DHTKD1: variants seen among roughly 807,000 people sequenced by gnomAD.
DHTKD1 encodes dehydrogenase E1 and transketolase domain containing 1.
In DHTKD1, 78 loss-of-function variants were observed where a neutral mutation model predicts 101.8. That is an observed-to-expected ratio of 0.77 (90% CI 0.64 to 0.93). DHTKD1 has a LOEUF of 0.93. Among genes scored for constraint, DHTKD1 ranks in the 40% least tolerant of loss-of-function variants. The pLI, the probability that DHTKD1 is intolerant of heterozygous loss-of-function variation, is 0.00. For missense variants in DHTKD1, 1,223 were observed against 1,161.7 expected (o/e 1.05, Z -0.77); for synonymous variants, 462 against 450.3 (o/e 1.03, Z -0.33).
intron 10 of DHTKD1, 80 bp from the exon 11 acceptor site, chr10:12,106,166 T>A: frequency 6.9e-7 from 1 of 1,451,922 alleles, no homozygotes; most frequent in South Asian, 1.2e-5. Flanking sequence ...CCGCACCACC[T>A]CCCTTCGATA....
intron 7 of DHTKD1, among the ~76,000 whole-genome samples, chr10:12,095,661 A>G (rs1178550935): frequency 6.6e-6 from 1 of 151,690 alleles, no homozygotes; most frequent in Admixed American, 6.6e-5. Flanking sequence ...AAAATACAAA[A>G]AATTAGCCGG....
At chr10:12,119,585 C>T (rs1358300306) in intron 15 of DHTKD1, among the ~76,000 whole-genome samples, 1 of 141,420 alleles carries the variant, frequency 7.1e-6, no homozygotes, top group African/African-American at 2.7e-5. Flanking sequence ...TACTGCACTC[C>T]AGCCTGGGCG....
At chr10:12,090,216 A>T (rs1437926129) in intron 5 of DHTKD1, among the ~76,000 whole-genome samples, 1 of 152,194 alleles carries the variant, frequency 6.6e-6, no homozygotes, top group African/African-American at 2.4e-5. Flanking sequence ...ATTCCACAGA[A>T]ATAGATAAAT....
chr10:12,097,028 G>A (rs564397150), intron 7 of DHTKD1, among the ~76,000 whole-genome samples: 26 of 152,196 alleles, frequency 1.7e-4, no homozygotes, highest in Non-Finnish European at 2.9e-4. Flanking sequence ...CTGGAAAAGA[G>A]GTTGTTACTA....
At chr10:12,079,821 A>C (rs1236517743) in intron 1 of DHTKD1, among the ~76,000 whole-genome samples, 1 of 152,196 alleles carries the variant, frequency 6.6e-6, no homozygotes, top group Non-Finnish European at 1.5e-5. Context: ...ACCCTTAGCA[A>C]TTTATAGGAC....
At chr10:12,080,971 G>T (rs1227809635) in intron 1 of DHTKD1, among the ~76,000 whole-genome samples, 1 of 151,828 alleles carries the variant, frequency 6.6e-6, no homozygotes, top group Non-Finnish European at 1.5e-5. Flanking sequence ...GGAGACTGAG[G>T]CAGGAGGATC....
intron 1 of DHTKD1, among the ~76,000 whole-genome samples, chr10:12,079,950 T>G (rs1425893323): frequency 3.3e-5 from 5 of 152,162 alleles, no homozygotes; most frequent in African/African-American, 1.2e-4. Context: ...GTTCAATACC[T>G]CTCTGTTCTT....
At chr10:12,083,620 G>A (rs950198739) in intron 2 of DHTKD1, among the ~76,000 whole-genome samples, 1 of 152,100 alleles carries the variant, frequency 6.6e-6, no homozygotes, top group African/African-American at 2.4e-5. Flanking sequence ...TGTAGTCCCA[G>A]CTACTCGGGA....
At position 12,087,596 on chromosome 10, in the gene DHTKD1, C is replaced by CTGAAA; in HGVS notation, c.585_589dup (p.Ser197MetfsTer4). 1.2e-6 allele frequency: 2 copies of CTGAAA among 1,613,712 alleles called. No homozygotes were observed. The highest frequency in any genetic ancestry group is 4.5e-5 in the East Asian group (2 of 44,866). ...GTGAAGCGATATGGAGGCGAAGGGGCTGAAAGCATGATGGGCTTTTTCCAC... is the reference window on the plus strand; with the variant it reads ...GTGAAGCGATATGGAGGCGAAGGGGCTGAAATGAAAGCATGATGGGCTTTTTCCAC... On this transcript the variant is annotated frameshift_variant, in exon 4 of 17. Coordinates refer to ENST00000263035, the MANE Select transcript of DHTKD1 (RefSeq NM_018706.7). LOFTEE classifies it high-confidence loss of function. This position sits in a 1 kb window ranked among gnomAD's most constrained non-coding sequence, Gnocchi z 5.2.
At chr10:12,098,153 A>G (rs1833103511) in intron 8 of DHTKD1, among the ~76,000 whole-genome samples, 157 bp downstream of exon 8, 1 of 152,140 alleles carries the variant, frequency 6.6e-6, no homozygotes, top group Non-Finnish European at 1.5e-5. Flanking sequence ...TTTGGTACTG[A>G]TAGTCAGTTA....
rs745702122 is a variant in DHTKD1, at chr10:12,101,107, G to T, written c.1822G>T (p.Val608Leu). Residue 608 changes from valine to leucine, a missense_variant, in exon 10 of 17, where the codon GTG becomes TTG. Physicochemically the swap from Val to Leu is conservative, Grantham distance 32. Coordinates refer to ENST00000263035, the MANE Select transcript of DHTKD1 (RefSeq NM_018706.7). ...AACTTTCAGTCAGAGGCATGCAATCGTGGTTTGCCAGGAGACGGATGACAC... is the reference window on the plus strand; with the variant it reads ...AACTTTCAGTCAGAGGCATGCAATCTTGGTTTGCCAGGAGACGGATGACAC... ...RGTFSQRHAI[V>L]VCQETDDTYI... The T allele has an allele frequency of 6.2e-6, 10 of 1,614,072 alleles. No homozygotes were observed. Among genetic ancestry groups the T allele is most frequent in the Non-Finnish European group, 8.5e-6 (10 of 1,179,994 alleles).
Position 12,107,139 on chromosome 10 carries a change from A to T in DHTKD1, c.2047+743A>T, listed in dbSNP as rs1333296794. Among the ~76,000 whole-genome samples the T allele has an allele frequency of 6.6e-6, 1 of 150,388 alleles. No homozygotes were observed. The highest frequency in any genetic ancestry group is 1.5e-5 in the Non-Finnish European group (1 of 67,498). On this transcript the variant is annotated intron_variant, in intron 11 of 16. Coordinates refer to ENST00000263035, the MANE Select transcript of DHTKD1 (RefSeq NM_018706.7). This position sits in a 1 kb window ranked among gnomAD's most constrained non-coding sequence, Gnocchi z 4.1. ...AGCTGGGACTACATAGGCGCTGGTC[A>T]CCACGCCCGGCTAATTTTTTGTATT...
At chr10:12,099,324 T>C (rs1310228952) in intron 8 of DHTKD1, among the ~76,000 whole-genome samples, 1 of 152,152 alleles carries the variant, frequency 6.6e-6, no homozygotes, top group Non-Finnish European at 1.5e-5. Flanking sequence ...TACCCCTCCT[T>C]GATCCATCTC....
intron 5 of DHTKD1, among the ~76,000 whole-genome samples, chr10:12,090,222 T>A (rs1322655887): frequency 6.6e-6 from 1 of 152,110 alleles, no homozygotes; most frequent in Non-Finnish European, 1.5e-5. Flanking sequence ...CAGAAATAGA[T>A]AAATATATAA....
intron 5 of DHTKD1, among the ~76,000 whole-genome samples, chr10:12,089,986 C>G (rs1298812188): frequency 6.8e-6 from 1 of 147,138 alleles, no homozygotes; most frequent in Non-Finnish European, 1.5e-5. Context: ...TTTTTTTTTG[C>G]TTGTTTATTT....
At chr10:12,100,566 G>A (rs1478335249) in intron 9 of DHTKD1, among the ~76,000 whole-genome samples, 2 of 152,026 alleles carry the variant, frequency 1.3e-5, no homozygotes, top group African/African-American at 4.8e-5. Flanking sequence ...CCCAGCCAAG[G>A]TAAGAATTTT....
rs764372659 is a variant in DHTKD1 at position 12,069,050 on chromosome 10, C to G, written c.17C>G (p.Ala6Gly). The change falls in exon 1 of 17, where the codon GCG (alanine) becomes GGG (glycine). Residue 6 changes from alanine to glycine, a missense_variant. Coordinates refer to ENST00000263035, the MANE Select transcript of DHTKD1 (RefSeq NM_018706.7). ...CTGGTGAACATGGCCTCTGCTACTG[C>G]GGCAGCAGCACGACGGGGCCTCGGC... MASAT[A>G]AAARRGLGRA... 6.2e-7 allele frequency: 1 copy of G among 1,613,228 alleles called. No individual in the cohort carries two copies.
intron 1 of DHTKD1, among the ~76,000 whole-genome samples, chr10:12,075,042 T>C (rs985313830): frequency 6.6e-6 from 1 of 152,052 alleles, no homozygotes; most frequent in Non-Finnish European, 1.5e-5. Context: ...ACCTGGGAAG[T>C]AGACATTGCA....
intron 1 of DHTKD1, among the ~76,000 whole-genome samples, chr10:12,073,394 A>C (rs1209330939): frequency 6.7e-6 from 1 of 149,832 alleles, no homozygotes; most frequent in Non-Finnish European, 1.5e-5. Flanking sequence ...TCACCCAGGC[A>C]GGAGTGCAGT....
Sources: gnomAD v4.1 joint callset for allele counts (sites outside exome capture counted in the v4.1 genomes callset) on GRCh38, gnomAD v4.1.1 for gene constraint, Gnocchi (gnomAD v3.1) non-coding constraint, MANE v1.5 for transcripts, NCBI Gene and HGNC (gene_info 2026-07-23, HGNC 2026-07-21) for gene names.